Variants in TRHDE observed in about 807,000 individuals in gnomAD.
TRHDE encodes thyrotropin-releasing hormone-degrading ectoenzyme.
A neutral mutation model predicts 125.7 loss-of-function variants in TRHDE; 72 were observed. The ratio of observed to expected loss-of-function variants is 0.57; its 90% CI spans 0.47 to 0.70. The LOEUF is 0.70. TRHDE is among the 30% of genes least tolerant of loss of function. TRHDE has a pLI of 0.00. For synonymous variants in TRHDE, 509 were observed against 509.1 expected (o/e 1.00, Z 0.00); for missense variants, 1,110 against 1,327.1 (o/e 0.84, Z 2.54).
At chr12:72,110,393 C>T (rs567260013) in intron 2 of TRHDE, among the ~76,000 whole-genome samples, 1 of 151,942 alleles carries the variant, frequency 6.6e-6, no homozygotes, top group Non-Finnish European at 1.5e-5. Context: ...GTGGATTGAA[C>T]CTGCTCAGGT....
chr12:72,200,187 G>A (rs1420550239), intron 2 of TRHDE, among the ~76,000 whole-genome samples: 1 of 152,170 alleles, frequency 6.6e-6, no homozygotes, highest in Non-Finnish European at 1.5e-5. Context: ...TAAGAACAGT[G>A]TCAGTCGCAA....
intron 2 of TRHDE, among the ~76,000 whole-genome samples, chr12:72,217,797 A>C (rs762826561): frequency 2.6e-5 from 4 of 152,166 alleles, no homozygotes; most frequent in East Asian, 3.8e-4. Flanking sequence ...GCAGAACAAC[A>C]ACCACCCAAG....
intron 12 of TRHDE, among the ~76,000 whole-genome samples, chr12:72,577,812 G>C (rs1003453667): frequency 6.6e-6 from 1 of 151,946 alleles, no homozygotes. Context: ...TTACAATTTT[G>C]GGAGCCTTAA....
At chr12:72,513,326 T>C (rs1878690379) in intron 6 of TRHDE, among the ~76,000 whole-genome samples, 1 of 152,140 alleles carries the variant, frequency 6.6e-6, no homozygotes, top group African/African-American at 2.4e-5. Flanking sequence ...GCAGATACAA[T>C]TCTAGTCGAA....
intron 2 of TRHDE, among the ~76,000 whole-genome samples, chr12:72,233,961 T>C (rs1878294714): frequency 6.6e-6 from 1 of 152,228 alleles, no homozygotes; most frequent in Non-Finnish European, 1.5e-5. Flanking sequence ...AAGTGTATGC[T>C]CAATTCTGTG....
intron 2 of TRHDE, among the ~76,000 whole-genome samples, chr12:72,141,397 C>T (rs1270653992): frequency 1.3e-5 from 2 of 152,128 alleles, no homozygotes; most frequent in Non-Finnish European, 2.9e-5. Flanking sequence ...CCCCGATAAC[C>T]ACAGAGAAAG....
At position 72,461,977 on chromosome 12, in the gene TRHDE, C is replaced by T. The variant is rs149420752; in HGVS notation, c.1316-7781C>T. 3.0e-3 allele frequency among the ~76,000 whole-genome samples: 451 copies of T among 152,218 alleles called. 3 individuals carry two copies. Among genetic ancestry groups the T allele is most frequent in the Non-Finnish European group, 4.4e-3 (302 of 68,002 alleles). On this transcript the variant is annotated intron_variant, in intron 3 of 18. Coordinates refer to ENST00000261180, the MANE Select transcript of TRHDE (RefSeq NM_013381.3). ...TTAATCTTCACAGCAACTTGCAAAG[C>T]GGGTACTGTTAATATCCCCATGTTA...
chr12:72,553,979 C>G (rs547375403), intron 7 of TRHDE, among the ~76,000 whole-genome samples: 1 of 151,582 alleles, frequency 6.6e-6, no homozygotes, highest in African/African-American at 2.4e-5. Context: ...TCCTGAGTAG[C>G]TGGGATTACA....
intron 2 of TRHDE, among the ~76,000 whole-genome samples, chr12:72,201,175 C>T (rs1877551863): frequency 6.6e-6 from 1 of 152,054 alleles, no homozygotes; most frequent in Non-Finnish European, 1.5e-5. Flanking sequence ...GGGATCAGAT[C>T]ATGGAGTCTT....
At chr12:72,266,041 C>T (rs977728619) in intron 2 of TRHDE, among the ~76,000 whole-genome samples, 1 of 151,874 alleles carries the variant, frequency 6.6e-6, no homozygotes, top group Admixed American at 6.6e-5. Flanking sequence ...CTCATTTAAA[C>T]AGCTATATTG....
intron 12 of TRHDE, among the ~76,000 whole-genome samples, chr12:72,616,740 T>C (rs1872831563): frequency 6.6e-6 from 1 of 152,162 alleles, no homozygotes; most frequent in African/African-American, 2.4e-5. Context: ...GTTAGCCACT[T>C]ACTTACTAAA....
chr12:72,195,216 C>T (rs190523367), intron 2 of TRHDE, among the ~76,000 whole-genome samples: 26 of 152,096 alleles, frequency 1.7e-4, no homozygotes, highest in Admixed American at 3.9e-4. Context: ...CCACGACACG[C>T]GGGGATTATG....
At chr12:72,136,402 T>G (rs905347880) in intron 2 of TRHDE, among the ~76,000 whole-genome samples, 4 of 152,232 alleles carry the variant, frequency 2.6e-5, no homozygotes, top group Admixed American at 6.5e-5. Flanking sequence ...TAGGCTACAT[T>G]GAAATGATAT....
chr12:72,645,372 A>G (rs1168791293), intron 15 of TRHDE, among the ~76,000 whole-genome samples: 1 of 152,208 alleles, frequency 6.6e-6, no homozygotes, highest in East Asian at 1.9e-4. Flanking sequence ...ACTCGTGAAG[A>G]TGGATTGATC....
intron 7 of TRHDE, among the ~76,000 whole-genome samples, chr12:72,558,144 C>T (rs145457157): frequency 3.3e-5 from 5 of 152,176 alleles, no homozygotes; most frequent in Admixed American, 6.5e-5. Context: ...ATTACTCTCA[C>T]GGATTTTACA....
chr12:72,520,374 G>A (rs974465101), intron 6 of TRHDE, among the ~76,000 whole-genome samples: 8 of 152,322 alleles, frequency 5.3e-5, no homozygotes, highest in South Asian at 4.1e-4. Flanking sequence ...TCGGAAAAGC[G>A]CAGTATTCGG....
intron 2 of TRHDE, among the ~76,000 whole-genome samples, chr12:72,129,542 A>G (rs1045768058): frequency 6.6e-6 from 1 of 152,222 alleles, no homozygotes; most frequent in Non-Finnish European, 1.5e-5. Flanking sequence ...TTAGAGAGGA[A>G]CTTCTGGATA....
intron 5 of TRHDE, among the ~76,000 whole-genome samples, chr12:72,480,605 G>T (rs1877123485): frequency 6.6e-6 from 1 of 152,138 alleles, no homozygotes; most frequent in African/African-American, 2.4e-5. Context: ...TTTTGTAGGA[G>T]TTTCAAAACC....
chr12:72,426,374 A>T (rs2135834112), intron 3 of TRHDE, among the ~76,000 whole-genome samples: 1 of 152,260 alleles, frequency 6.6e-6, no homozygotes, highest in South Asian at 2.1e-4. Flanking sequence ...GAAAGTTTAA[A>T]ACTCCTAAGA....
Sources: allele counts gnomAD v4.1 joint callset (sites outside exome capture counted in the v4.1 genomes callset), GRCh38; gene constraint gnomAD v4.1.1; transcripts MANE v1.5; gene names NCBI Gene and HGNC (gene_info 2026-07-23, HGNC 2026-07-21).